The following CNBD1 variants were observed in gnomAD, a reference collection of about 807,000 sequenced individuals.
The protein encoded by CNBD1 is cyclic nucleotide binding domain containing 1.
A neutral mutation model predicts 54.4 loss-of-function variants in CNBD1; 71 were observed. The observed-to-expected ratio is 1.30, with a 90% CI of 1.08 to 1.59. The LOEUF (loss-of-function observed/expected upper bound fraction) is 1.59, where lower values mean the gene tolerates loss of function less well. Among genes scored for constraint, CNBD1 ranks in the 40% most tolerant of loss-of-function variants. The pLI is 0.00. For missense variants in CNBD1, 659 were observed against 518.0 expected (o/e 1.27, Z -2.64); for synonymous variants, 182 against 170.7 (o/e 1.07, Z -0.51).
intron 6 of CNBD1, among the ~76,000 whole-genome samples, chr8:87,273,758 A>G (rs1401950070): frequency 1.3e-5 from 2 of 151,886 alleles, no homozygotes; most frequent in Non-Finnish European, 2.9e-5. Context: ...AAATAATTTA[A>G]TTGACAAATA....
chr8:87,096,789 G>A (rs574786985), intron 4 of CNBD1, among the ~76,000 whole-genome samples: 1 of 150,642 alleles, frequency 6.6e-6, no homozygotes, highest in South Asian at 2.1e-4. Context: ...TTCTGACTCT[G>A]CTCATTTTTC....
At chr8:87,249,562 A>G (rs973862631) in intron 6 of CNBD1, among the ~76,000 whole-genome samples, 4 of 152,114 alleles carry the variant, frequency 2.6e-5, no homozygotes, top group East Asian at 3.9e-4. Context: ...TTATAGGTCT[A>G]TCTTTCAACC....
intron 10 of CNBD1, among the ~76,000 whole-genome samples, chr8:87,381,236 C>T (rs1300576065): frequency 1.3e-5 from 2 of 152,012 alleles, no homozygotes; most frequent in African/African-American, 2.4e-5. Flanking sequence ...CTTGAATATA[C>T]ATTTCTCTAA....
chr8:86,979,228 A>C (rs895402175), intron 4 of CNBD1, among the ~76,000 whole-genome samples: 1 of 151,850 alleles, frequency 6.6e-6, no homozygotes, highest in African/African-American at 2.4e-5. Flanking sequence ...ATTATGGGCA[A>C]TATATTTTCC....
At position 86,929,656 on chromosome 8, in the gene CNBD1, G is replaced by A. The variant is rs185036405; in HGVS notation, c.273-9940G>A. Among the ~76,000 whole-genome samples the A allele has an allele frequency of 2.0e-3, 310 of 152,260 alleles. 1 individual carries two copies. The highest frequency in any genetic ancestry group is 6.5e-3 in the African/African-American group (271 of 41,548). On this transcript the variant is annotated intron_variant, in intron 3 of 10. Coordinates refer to ENST00000518476, the MANE Select transcript of CNBD1 (RefSeq NM_173538.3). Reference sequence around the variant, plus strand: ...AAGGCTGCACACATGCGAATTTGAAGCATCAGTCCCTCAAGGAGTAGTGCT... The same window carrying A: ...AAGGCTGCACACATGCGAATTTGAAACATCAGTCCCTCAAGGAGTAGTGCT...
intron 4 of CNBD1, among the ~76,000 whole-genome samples, chr8:87,149,325 G>T (rs1433552721): frequency 3.3e-5 from 5 of 152,196 alleles, no homozygotes; most frequent in African/African-American, 1.2e-4. Context: ...CTATTGGCAA[G>T]AATTTTTTGA....
At chr8:87,379,548 T>TA (rs1033222369) in intron 10 of CNBD1, among the ~76,000 whole-genome samples, 17 of 151,728 alleles carry the variant, frequency 1.1e-4, no homozygotes, top group Non-Finnish European at 1.5e-4. Context: ...TTGTTAAATT[T>TA]AAAAAAAATC....
Position 87,237,005 on chromosome 8 carries a change from G to C in CNBD1, c.664G>C (p.Asp222His). 1 of 1,611,960 alleles carries C rather than the reference G, an allele frequency of 6.2e-7. No individual in the cohort carries two copies. The highest frequency in any genetic ancestry group is 8.5e-7 in the Non-Finnish European group (1 of 1,178,368). Residue 222 changes from aspartate (D) to histidine (H), a missense_variant, in exon 6 of 11, where the codon GAT becomes CAT. Transcript: ENST00000518476. ...NVYKNLIEGS[D>H]SPDSFISQSF... Reference sequence around the variant, plus strand: ...GTATAAAAATCTGATTGAAGGAAGTGATTCACCAGACTCGTTCATATCTCA... The same window carrying C: ...GTATAAAAATCTGATTGAAGGAAGTCATTCACCAGACTCGTTCATATCTCA...
chr8:86,956,099 A>G (rs1807760931), intron 4 of CNBD1, among the ~76,000 whole-genome samples: 1 of 152,036 alleles, frequency 6.6e-6, no homozygotes, highest in South Asian at 2.1e-4. Flanking sequence ...TCCTTTCCCC[A>G]TTGCTTGTTT....
intron 8 of CNBD1, among the ~76,000 whole-genome samples, chr8:87,319,220 A>T (rs1809467243): frequency 6.6e-6 from 1 of 152,110 alleles, no homozygotes; most frequent in African/African-American, 2.4e-5. Flanking sequence ...AAGTTTCAGG[A>T]GGATAGTATT....
chr8:86,940,903 A>G (rs556423740), intron 4 of CNBD1, among the ~76,000 whole-genome samples: 2 of 152,306 alleles, frequency 1.3e-5, no homozygotes, highest in South Asian at 4.1e-4. Flanking sequence ...GTACAGTAAC[A>G]TGTTTTGCAG....
At position 87,271,245 on chromosome 8, in the gene CNBD1, AT is replaced by A. The variant is rs939092461; in HGVS notation, c.772-13425del. On this transcript the variant is annotated intron_variant, in intron 6 of 10. Transcript: ENST00000518476. ...ATTTCACTTTGTTGATCTTGTATAT[AT>A]TTTTTTTCAGTCTCAATTTCATTTA... Among the ~76,000 whole-genome samples, 183 of 148,634 alleles carry A rather than the reference AT, an allele frequency of 1.2e-3. 1 individual carries two copies. Among genetic ancestry groups the A allele is most frequent in the African/African-American group, 3.8e-3 (154 of 40,454 alleles).
intron 10 of CNBD1, among the ~76,000 whole-genome samples, chr8:87,381,830 T>G (rs1023393541): frequency 2.0e-5 from 3 of 151,760 alleles, no homozygotes; most frequent in Non-Finnish European, 4.4e-5. Flanking sequence ...GGAATGGTGG[T>G]TACGAGGGGT....
At position 87,284,802 on chromosome 8, in the gene CNBD1, C is replaced by A. The variant is rs113649580; in HGVS notation, c.896C>A (p.Ala299Glu). ...EILKIPAKGY[A>E]KIKEEKIKLE... is the part of the protein sequence containing the mutation. Reference sequence around the variant, plus strand: ...CTTAAAATCCCAGCAAAGGGATATGCAAAGATAAAGGAGGTAAGATGATAT... The same window carrying A: ...CTTAAAATCCCAGCAAAGGGATATGAAAAGATAAAGGAGGTAAGATGATAT... Residue 299 changes from alanine (A) to glutamate (E), a missense_variant, in exon 7 of 11, where the codon GCA (alanine) becomes GAA (glutamate). Coordinates refer to ENST00000518476, the MANE Select transcript of CNBD1 (RefSeq NM_173538.3). 1 of 1,580,986 alleles carries A rather than the reference C, an allele frequency of 6.3e-7. No individual in the cohort carries two copies. The highest frequency in any genetic ancestry group is 8.6e-7 in the Non-Finnish European group (1 of 1,162,994).
At chr8:86,920,066 G>A (rs1809247122) in intron 3 of CNBD1, among the ~76,000 whole-genome samples, 2 of 151,986 alleles carry the variant, frequency 1.3e-5, no homozygotes, top group Non-Finnish European at 2.9e-5. Flanking sequence ...TCTACTGGGA[G>A]AATTTAGCCC....
At chr8:87,316,156 T>C (rs1809379512) in intron 8 of CNBD1, among the ~76,000 whole-genome samples, 1 of 151,982 alleles carries the variant, frequency 6.6e-6, no homozygotes, top group African/African-American at 2.4e-5. Flanking sequence ...AAATAAAGCA[T>C]AACATACAAA....
Position 86,896,340 on chromosome 8 carries a change from A to G in CNBD1, c.158+8729A>G, listed in dbSNP as rs535329792. On this transcript the variant is annotated intron_variant, in intron 2 of 10. Coordinates refer to ENST00000518476, the MANE Select transcript of CNBD1 (RefSeq NM_173538.3). ...CAATGGCATTCTTCACAGAGTACCAATAGTACTTCGTTAAAGATTGCATTG... is the reference window on the plus strand; with the variant it reads ...CAATGGCATTCTTCACAGAGTACCAGTAGTACTTCGTTAAAGATTGCATTG... Among the ~76,000 whole-genome samples, 681 of 152,268 alleles carry G rather than the reference A, an allele frequency of 4.5e-3. 2 individuals are homozygous for G. Among genetic ancestry groups the G allele is most frequent in the Non-Finnish European group, 7.1e-3 (486 of 68,000 alleles).
chr8:87,021,472 T>C (rs1246683088), intron 4 of CNBD1, among the ~76,000 whole-genome samples: 1 of 152,254 alleles, frequency 6.6e-6, no homozygotes. Context: ...TTGAACTAAT[T>C]TGAACTACTG....
Position 86,985,809 on chromosome 8 carries a change from C to T in CNBD1, c.431+46055C>T, listed in dbSNP as rs375126441. Among the ~76,000 whole-genome samples, 45 of 152,316 alleles carry T rather than the reference C, an allele frequency of 3.0e-4. No individual in the cohort carries two copies. In the East Asian group the frequency reaches 3.7e-3, roughly 12 times the overall value. ...AACAGTGAGTGAACTAACTTGCATT[C>T]CCACCAACAATGGTTAAGCCTTCCC... On this transcript the variant is annotated intron_variant, in intron 4 of 10. Coordinates refer to ENST00000518476, the MANE Select transcript of CNBD1 (RefSeq NM_173538.3).
Sources: gnomAD v4.1 joint callset for allele counts (sites outside exome capture counted in the v4.1 genomes callset) on GRCh38, gnomAD v4.1.1 for gene constraint, MANE v1.5 for transcripts, NCBI Gene and HGNC (gene_info 2026-07-23, HGNC 2026-07-21) for gene names.